The following OPCML variants were observed in gnomAD, a reference collection of about 807,000 sequenced individuals.
OPCML encodes opioid binding protein/cell adhesion molecule like.
OPCML carries 13 observed loss-of-function variants against 37.8 expected under a neutral mutation model. The ratio of observed to expected loss-of-function variants is 0.34; its 90% CI spans 0.22 to 0.55. The LOEUF is 0.55. Ranked by LOEUF, OPCML falls within the 20% of genes least tolerant of loss-of-function variation. The pLI is 0.91. For synonymous variants in OPCML, 176 were observed against 168.8 expected (o/e 1.04, Z -0.33); for missense variants, 341 against 435.6 (o/e 0.78, Z 1.93).
chr11:132,966,085 T>C (rs1358764399), intron 1 of OPCML, among the ~76,000 whole-genome samples: 1 of 152,030 alleles, frequency 6.6e-6, no homozygotes, highest in Non-Finnish European at 1.5e-5. Context: ...TTAGCTTTAG[T>C]TTTCTATTTT....
chr11:133,389,617 C>G (rs989738873), intron 1 of OPCML, among the ~76,000 whole-genome samples: 1 of 152,054 alleles, frequency 6.6e-6, no homozygotes, highest in African/African-American at 2.4e-5. Flanking sequence ...TATTACTATA[C>G]TTTGTATCTT....
chr11:132,905,209 G>A (rs1232658325), intron 2 of OPCML, among the ~76,000 whole-genome samples: 1 of 151,174 alleles, frequency 6.6e-6, no homozygotes, highest in African/African-American at 2.4e-5. Flanking sequence ...GACAGAGCTG[G>A]GACTAGAAAG....
At chr11:132,581,341 A>G (rs2096461624) in intron 3 of OPCML, among the ~76,000 whole-genome samples, 1 of 152,166 alleles carries the variant, frequency 6.6e-6, no homozygotes, top group Non-Finnish European at 1.5e-5. Context: ...GTGTCTACAT[A>G]TGCTTTTAGT....
chr11:132,689,641 C>T (rs903217869), intron 2 of OPCML, among the ~76,000 whole-genome samples: 2 of 152,136 alleles, frequency 1.3e-5, no homozygotes, highest in African/African-American at 4.8e-5. Flanking sequence ...TGTCATGAGG[C>T]AGGAAGAGCA....
intron 4 of OPCML, among the ~76,000 whole-genome samples, chr11:132,444,480 A>G (rs997230645): frequency 6.6e-6 from 1 of 152,240 alleles, no homozygotes; most frequent in African/African-American, 2.4e-5. Context: ...ATATAACCTG[A>G]GTCTTGTACT....
intron 1 of OPCML, among the ~76,000 whole-genome samples, chr11:133,207,814 T>C (rs987411543): frequency 6.6e-6 from 1 of 152,166 alleles, no homozygotes; most frequent in African/African-American, 2.4e-5. Flanking sequence ...TATCTTGCAA[T>C]ATGAGAGGAC....
At chr11:132,699,633 C>T (rs879029391) in intron 2 of OPCML, among the ~76,000 whole-genome samples, 12 of 152,010 alleles carry the variant, frequency 7.9e-5, no homozygotes, top group African/African-American at 1.9e-4. Context: ...ATTCTGTTAA[C>T]GTAGTGCACC....
At chr11:132,951,557 G>A (rs1945861715) in intron 1 of OPCML, among the ~76,000 whole-genome samples, 1 of 152,186 alleles carries the variant, frequency 6.6e-6, no homozygotes, top group African/African-American at 2.4e-5. Context: ...CCATGATTCA[G>A]CCGACATCAG....
chr11:133,222,750 C>T (rs1196155343), intron 1 of OPCML, among the ~76,000 whole-genome samples: 1 of 150,956 alleles, frequency 6.6e-6, no homozygotes, highest in Non-Finnish European at 1.5e-5. Context: ...CAAAATAAAC[C>T]AGATGCCAAA....
At chr11:132,499,854 A>C (rs2096241882) in intron 4 of OPCML, among the ~76,000 whole-genome samples, 1 of 152,230 alleles carries the variant, frequency 6.6e-6, no homozygotes, top group South Asian at 2.1e-4. Context: ...TTCTGCCAAC[A>C]GGGAACACTA....
chr11:132,834,972 G>A (rs1464404510), intron 2 of OPCML, among the ~76,000 whole-genome samples: 3 of 142,992 alleles, frequency 2.1e-5, no homozygotes, highest in Non-Finnish European at 4.5e-5. Flanking sequence ...TAAGTCCCCC[G>A]GGTGGTGGCA....
intron 1 of OPCML, among the ~76,000 whole-genome samples, chr11:133,222,799 G>T (rs568363787): frequency 7.2e-5 from 11 of 152,106 alleles, no homozygotes; most frequent in Non-Finnish European, 1.3e-4. Flanking sequence ...GCGTGGAGGT[G>T]GGGGGAGCAA....
intron 1 of OPCML, among the ~76,000 whole-genome samples, chr11:133,209,159 T>G (rs1939245962): frequency 6.6e-6 from 1 of 152,204 alleles, no homozygotes; most frequent in Admixed American, 6.5e-5. Flanking sequence ...ATTATTGGTG[T>G]AATTATTTGT....
chr11:132,442,358 T>G (rs1228397513), intron 4 of OPCML, among the ~76,000 whole-genome samples: 1 of 152,188 alleles, frequency 6.6e-6, no homozygotes, highest in Non-Finnish European at 1.5e-5. Context: ...CCTGACCGAC[T>G]TCTCTTTTCT....
intron 4 of OPCML, among the ~76,000 whole-genome samples, chr11:132,500,460 C>A (rs920722882): frequency 6.6e-6 from 1 of 152,194 alleles, no homozygotes; most frequent in Non-Finnish European, 1.5e-5. Flanking sequence ...AAGCCAACTT[C>A]CAGTAGGAGC....
chr11:132,969,845 T>C (rs1213434045), intron 1 of OPCML, among the ~76,000 whole-genome samples: 1 of 152,192 alleles, frequency 6.6e-6, no homozygotes, highest in East Asian at 1.9e-4. Context: ...CATTAAGCAT[T>C]ATTCCCTTTA....
chr11:132,682,644 A>T (rs1942999234), intron 2 of OPCML, among the ~76,000 whole-genome samples: 1 of 152,124 alleles, frequency 6.6e-6, no homozygotes, highest in Admixed American at 6.5e-5. Context: ...GAGGCAATTA[A>T]CCTCTCCTCT....
chr11:133,431,241 C>T (rs918775862), intron 1 of OPCML, among the ~76,000 whole-genome samples: 6 of 152,120 alleles, frequency 3.9e-5, no homozygotes, highest in Admixed American at 1.3e-4. Context: ...AAACGTCATT[C>T]GACAATCATT....
chr11:133,241,364 A>C (rs1940725051), intron 1 of OPCML, among the ~76,000 whole-genome samples: 1 of 152,228 alleles, frequency 6.6e-6, no homozygotes, highest in African/African-American at 2.4e-5. Flanking sequence ...TAAATAAATG[A>C]AACCAGATTC....
Sources: gnomAD v4.1 joint callset for allele counts (sites outside exome capture counted in the v4.1 genomes callset) on GRCh38, gnomAD v4.1.1 for gene constraint, MANE v1.5 for transcripts, NCBI Gene and HGNC (gene_info 2026-07-23, HGNC 2026-07-21) for gene names.